CPXM2: variants seen among roughly 807,000 people sequenced by gnomAD.
CPXM2 encodes the protein inactive carboxypeptidase-like protein X2.
In CPXM2, 66 loss-of-function variants were observed where a neutral mutation model predicts 86.1. The observed-to-expected ratio is 0.77, with a 90% confidence interval of 0.63 to 0.94. CPXM2 has a LOEUF of 0.94. Among genes scored for constraint, CPXM2 ranks in the 40% least tolerant of loss-of-function variants. The probability of loss-of-function intolerance (pLI) is 0.00; values close to 1 mark genes in which losing one functional copy is unlikely to be tolerated. For synonymous variants in CPXM2, 388 were observed against 400.2 expected (o/e 0.97, Z 0.36); for missense variants, 948 against 1,026.3 (o/e 0.92, Z 1.04).
chr10:123,931,774 C>T (rs1945668352), intron 2 of CPXM2, among the ~76,000 whole-genome samples: 1 of 152,156 alleles, frequency 6.6e-6, no homozygotes. Context: ...GACTCTCAGT[C>T]CACCAATAAA....
In CPXM2 at chr10:123,921,817, T is replaced by C. The variant is rs547572010; in HGVS notation, n.174+17660A>G. 4.6e-5 allele frequency among the ~76,000 whole-genome samples: 7 copies of C among 152,330 alleles called. No individual in the cohort carries two copies. The South Asian group carries it at 1.2e-3, about 27-fold the overall frequency. On this transcript the variant is annotated intron_variant and non_coding_transcript_variant, in intron 2 of 19. Coordinates refer to the CPXM2 transcript ENST00000368854. ...ATACCTAGAGTTTTAGAATAAAGGT[T>C]TGCAATTCCCTGGCAACATCCAACT...
intron 6 of CPXM2, among the ~76,000 whole-genome samples, chr10:123,796,624 G>A (rs1847340916): frequency 6.6e-6 from 1 of 152,222 alleles, no homozygotes; most frequent in Admixed American, 6.5e-5. Flanking sequence ...CTACGGGATT[G>A]AGAGAAAAAC....
intron 13 of CPXM2, chr10:123,750,646 A>G (rs1447691066): frequency 2.1e-6 from 2 of 970,632 alleles, no homozygotes; most frequent in African/African-American, 3.5e-5. Context: ...TAGAGGTCAT[A>G]TTTGTTTTGC....
intron 4 of CPXM2, among the ~76,000 whole-genome samples, chr10:123,822,583 G>A (rs1847951169): frequency 6.6e-6 from 1 of 152,086 alleles, no homozygotes; most frequent in African/African-American, 2.4e-5. Context: ...CTTCTCGGGA[G>A]GTGATATTTG....
At chr10:123,938,526 A>G (rs757571082) in intron 2 of CPXM2, among the ~76,000 whole-genome samples, 4 of 152,134 alleles carry the variant, frequency 2.6e-5, no homozygotes, top group Non-Finnish European at 5.9e-5. Context: ...AATTTTCCCA[A>G]TAGTCTCCCA....
At chr10:123,768,432 G>A (rs2134002443) in intron 9 of CPXM2, 94 bp downstream of exon 9, 1 of 647,978 alleles carries the variant, frequency 1.5e-6, no homozygotes, top group South Asian at 4.9e-5. Context: ...AAGCTCGGAA[G>A]GTGGAATTTT....
At chr10:123,789,040 C>T (rs144272900) in intron 6 of CPXM2, among the ~76,000 whole-genome samples, 1 of 152,128 alleles carries the variant, frequency 6.6e-6, no homozygotes, top group South Asian at 2.1e-4. Context: ...TCCCCAAACC[C>T]CAACATGCTC....
At position 123,757,283 on chromosome 10, in the gene CPXM2, T is replaced by C. The variant is rs2133979559; in HGVS notation, c.1847A>G (p.Tyr616Cys). The C allele has an allele frequency of 6.2e-7, 1 of 1,613,010 alleles. No individual in the cohort carries two copies. Among genetic ancestry groups the C allele is most frequent in the East Asian group, 2.2e-5 (1 of 44,870 alleles). ...ELSIYVGCDK[Y>C]PHESQLPEEW... Reference sequence around the variant, plus strand: ...CTCGGGCAGCTGGCTCTCATGTGGGTATTTATCACAGCCCACGTAGATGGA... The same window carrying C: ...CTCGGGCAGCTGGCTCTCATGTGGGCATTTATCACAGCCCACGTAGATGGA... Residue 616 changes from tyrosine to cysteine, a missense_variant, in exon 12 of 14, where the codon TAC becomes TGC. By Grantham distance (194) the Tyr-to-Cys change is radical (BLOSUM62 -2). Coordinates refer to ENST00000241305, the MANE Select transcript of CPXM2 (RefSeq NM_198148.3).
intron 2 of CPXM2, among the ~76,000 whole-genome samples, chr10:123,926,232 C>T (rs183606021): frequency 4.5e-4 from 69 of 152,326 alleles, no homozygotes; most frequent in South Asian, 3.7e-3. Context: ...CTTCCGATAC[C>T]GGGTCTTACC....
At chr10:123,863,577 TCCCA>T (rs1373737153) in intron 2 of CPXM2, among the ~76,000 whole-genome samples, 1 of 152,116 alleles carries the variant, frequency 6.6e-6, no homozygotes, top group African/African-American at 2.4e-5. Flanking sequence ...AGTTCCTGGG[TCCCA>T]CATGTTCACT....
At chr10:123,827,755 T>C (rs1366686240) in intron 4 of CPXM2, among the ~76,000 whole-genome samples, 1 of 152,144 alleles carries the variant, frequency 6.6e-6, no homozygotes, top group Non-Finnish European at 1.5e-5. Flanking sequence ...CAAGAATAGC[T>C]AAAACAATTT....
At chr10:123,813,703 T>A (rs990696884) in intron 4 of CPXM2, among the ~76,000 whole-genome samples, 2 of 152,236 alleles carry the variant, frequency 1.3e-5, no homozygotes, top group African/African-American at 4.8e-5. Flanking sequence ...TTAGTGAATT[T>A]TTCTAATGAC....
chr10:123,759,482 T>C (rs1846285751), intron 11 of CPXM2, among the ~76,000 whole-genome samples: 1 of 152,214 alleles, frequency 6.6e-6, no homozygotes, highest in South Asian at 2.1e-4. Context: ...TGGGCCATGC[T>C]GTCTTGCTGC....
chr10:123,925,313 A>G (rs1259650968), intron 2 of CPXM2, among the ~76,000 whole-genome samples: 1 of 152,168 alleles, frequency 6.6e-6, no homozygotes, highest in Non-Finnish European at 1.5e-5. Flanking sequence ...TTCTTCAGCA[A>G]GTTTCCAGAC....
At chr10:123,837,063 A>G (rs188684109) in intron 4 of CPXM2, among the ~76,000 whole-genome samples, 7 of 152,356 alleles carry the variant, frequency 4.6e-5, no homozygotes, top group Admixed American at 3.9e-4. Context: ...AGAGAAATTC[A>G]CCTTTCTTGT....
At position 123,865,363 on chromosome 10, in the gene CPXM2, G is replaced by A. The variant is rs564052909; in HGVS notation, c.404-2640C>T. 1.4e-4 allele frequency among the ~76,000 whole-genome samples: 21 copies of A among 152,296 alleles called. No individual in the cohort carries two copies. The highest frequency in any genetic ancestry group is 8.3e-4 in the South Asian group (4 of 4,820). On this transcript the variant is annotated intron_variant, in intron 2 of 13. Coordinates refer to ENST00000241305, the MANE Select transcript of CPXM2 (RefSeq NM_198148.3). This position sits in a 1 kb window ranked among gnomAD's most constrained non-coding sequence, Gnocchi z 4.7. ...AAGGCAAAGACAGAGTTACTGATCC[G>A]CCTGGGTTAGTGAGGGCCCTTTGGT... is the stretch of plus-strand genomic sequence containing the variant.
At chr10:123,899,740 A>C (rs1945366085) in intron 2 of CPXM2, among the ~76,000 whole-genome samples, 1 of 152,202 alleles carries the variant, frequency 6.6e-6, no homozygotes, top group Non-Finnish European at 1.5e-5. Flanking sequence ...TCATATGGAA[A>C]AAACTAAAAC....
At chr10:123,895,843 G>T (rs1282940791), upstream of CPXM2, among the ~76,000 whole-genome samples, 2 of 152,176 alleles carry the variant, frequency 1.3e-5, no homozygotes, top group Non-Finnish European at 2.9e-5. Context: ...TTCTTCAAAT[G>T]GTGTTCTTTA....
At chr10:123,890,078 G>A (rs1945243208) in intron 1 of CPXM2, among the ~76,000 whole-genome samples, 1 of 152,190 alleles carries the variant, frequency 6.6e-6, no homozygotes, top group Non-Finnish European at 1.5e-5. Context: ...CCACCCTTCG[G>A]AGCCACTGAA....
Sources: allele counts gnomAD v4.1 joint callset (sites outside exome capture counted in the v4.1 genomes callset), GRCh38; gene constraint gnomAD v4.1.1; non-coding constraint Gnocchi (gnomAD v3.1); transcripts MANE v1.5; gene names NCBI Gene and HGNC (gene_info 2026-07-23, HGNC 2026-07-21).